Variants in GNA14 observed in about 807,000 individuals in gnomAD.
The protein encoded by GNA14 is G protein subunit alpha 14.
In GNA14, 50 loss-of-function variants were observed where a neutral mutation model predicts 42.0. The ratio of observed to expected loss-of-function variants is 1.19; its 90% CI spans 0.95 to 1.51. GNA14 has a LOEUF of 1.51. Ranked by LOEUF, GNA14 falls within the 40% of genes most tolerant of loss-of-function variation. The pLI is 0.00. For missense variants in GNA14, 473 were observed against 446.2 expected (o/e 1.06, Z -0.54); for synonymous variants, 173 against 163.1 (o/e 1.06, Z -0.46).
intron 1 of GNA14, among the ~76,000 whole-genome samples, chr9:77,613,078 T>G (rs948633327): frequency 6.6e-6 from 1 of 152,326 alleles, no homozygotes; most frequent in South Asian, 2.1e-4. Flanking sequence ...CTGGATGGAC[T>G]TGGAGAACGT....
At chr9:77,442,181 G>A (rs1018260012) in intron 2 of GNA14, among the ~76,000 whole-genome samples, 1 of 152,196 alleles carries the variant, frequency 6.6e-6, no homozygotes, top group Non-Finnish European at 1.5e-5. Flanking sequence ...AGACCCGACT[G>A]ACCAACATTG....
intron 2 of GNA14, chr9:77,526,718 T>A (rs1381524378): frequency 6.6e-6 from 1 of 152,192 alleles, no homozygotes; most frequent in African/African-American, 2.4e-5. Flanking sequence ...GTTTTGGCCC[T>A]TTAGCATGAC....
At chr9:77,521,741 A>G (rs1160278367) in intron 2 of GNA14, among the ~76,000 whole-genome samples, 2 of 152,254 alleles carry the variant, frequency 1.3e-5, no homozygotes, top group Non-Finnish European at 2.9e-5. Flanking sequence ...TTGATGAATT[A>G]TCTCAGTAAA....
At chr9:77,489,261 A>G (rs1020492468) in intron 2 of GNA14, among the ~76,000 whole-genome samples, 2 of 152,174 alleles carry the variant, frequency 1.3e-5, no homozygotes, top group African/African-American at 2.4e-5. Flanking sequence ...AAAGAAATAA[A>G]GGTCACCTAC....
At chr9:77,621,986 C>T (rs1474347575) in intron 1 of GNA14, among the ~76,000 whole-genome samples, 1 of 152,158 alleles carries the variant, frequency 6.6e-6, no homozygotes, top group Admixed American at 6.5e-5. Context: ...AGTGCAATGG[C>T]ATGATCATAG....
chr9:77,480,625 A>G (rs538199884), intron 2 of GNA14, among the ~76,000 whole-genome samples: 92 of 152,302 alleles, frequency 6.0e-4, no homozygotes, highest in Non-Finnish European at 9.4e-4. Flanking sequence ...AAGGAATGGT[A>G]CCAGCTCCTC....
intron 1 of GNA14, among the ~76,000 whole-genome samples, chr9:77,608,402 T>C (rs1297851496): frequency 6.6e-6 from 1 of 152,208 alleles, no homozygotes; most frequent in Admixed American, 6.5e-5. Context: ...GGTATTTAGA[T>C]GAGACTTTGG....
chr9:77,550,477 A>C (rs1837775044), intron 1 of GNA14, among the ~76,000 whole-genome samples: 2 of 152,206 alleles, frequency 1.3e-5, no homozygotes, highest in African/African-American at 2.4e-5. Flanking sequence ...TCTGGAGCAG[A>C]TATAATACCC....
chr9:77,560,679 C>T lies in GNA14; in HGVS notation c.125-31426G>A, dbSNP rs190834808. Among the ~76,000 whole-genome samples the T allele has an allele frequency of 5.5e-3, 833 of 152,188 alleles. 4 individuals are homozygous for T. The highest frequency in any genetic ancestry group is 8.2e-3 in the Non-Finnish European group (555 of 67,996). On this transcript the variant is annotated intron_variant, in intron 1 of 6. Transcript: ENST00000341700. ...TCACCAATTTTATTCAAGGTAATAT[C>T]ACCTTACCCTGGTTCCAACAGCTAC...
At chr9:77,475,819 G>C (rs184547270) in intron 2 of GNA14, among the ~76,000 whole-genome samples, 2 of 152,286 alleles carry the variant, frequency 1.3e-5, no homozygotes, top group African/African-American at 2.4e-5. Context: ...ATCTGGAAAG[G>C]AGACCTACGT....
intron 2 of GNA14, among the ~76,000 whole-genome samples, chr9:77,476,578 G>A (rs778541358): frequency 1.3e-5 from 2 of 152,208 alleles, no homozygotes; most frequent in Non-Finnish European, 1.5e-5. Flanking sequence ...GGGCCATACT[G>A]CCTCTTACAA....
At chr9:77,501,944 T>C (rs1368217325) in intron 2 of GNA14, among the ~76,000 whole-genome samples, 2 of 152,088 alleles carry the variant, frequency 1.3e-5, no homozygotes, top group Non-Finnish European at 2.9e-5. Flanking sequence ...CTTGACTTCG[T>C]GATCCACCTG....
rs926264366 is a variant in GNA14 at position 77,529,111 on chromosome 9, C to T, written c.267G>A (p.Ala89=). The change falls in exon 2 of 7, where the codon GCG becomes GCA. Residue 89 remains alanine (A), a synonymous_variant. Transcript: ENST00000341700. The part of the protein sequence containing the change: ...IFTAMQAMIR[A]MDTLRIQYVC... Reference sequence around the variant, plus strand: ...CATACTGTATCCTTAGCGTGTCCATCGCTCTGATCATGGCTTGCATGGCGG... The same window carrying T: ...CATACTGTATCCTTAGCGTGTCCATTGCTCTGATCATGGCTTGCATGGCGG... The T allele has an allele frequency of 8.7e-6, 14 of 1,614,088 alleles. No individual in the cohort carries two copies. The highest frequency in any genetic ancestry group is 6.7e-5 in the Admixed American group (4 of 60,010).
At chr9:77,478,175 T>G (rs1168953672) in intron 2 of GNA14, among the ~76,000 whole-genome samples, 1 of 128,078 alleles carries the variant, frequency 7.8e-6, no homozygotes, top group African/African-American at 2.9e-5. Flanking sequence ...TATCCCTCCC[T>G]CCTCCCCCCA....
intron 2 of GNA14, among the ~76,000 whole-genome samples, chr9:77,521,428 G>C (rs1837353013): frequency 6.6e-6 from 1 of 152,122 alleles, no homozygotes; most frequent in Non-Finnish European, 1.5e-5. Context: ...TAGAACATAA[G>C]AGGCTCTTAA....
At chr9:77,613,954 T>C (rs753863812) in intron 1 of GNA14, among the ~76,000 whole-genome samples, 2 of 152,220 alleles carry the variant, frequency 1.3e-5, no homozygotes, top group Admixed American at 6.5e-5. Flanking sequence ...GTAGTGTAGT[T>C]AGTCAGAGTG....
At chr9:77,512,741 G>T (rs751114971) in intron 2 of GNA14, among the ~76,000 whole-genome samples, 1 of 151,868 alleles carries the variant, frequency 6.6e-6, no homozygotes, top group Non-Finnish European at 1.5e-5. Context: ...GCTTTACCTC[G>T]TTCTTTTTAA....
At chr9:77,425,203 G>A (rs532068049) in intron 6 of GNA14, among the ~76,000 whole-genome samples, 4 of 152,224 alleles carry the variant, frequency 2.6e-5, no homozygotes, top group East Asian at 1.9e-4. Context: ...AGCAAGCAGG[G>A]GTTAGGCTGC....
At chr9:77,565,559 G>A (rs1822954942) in intron 1 of GNA14, among the ~76,000 whole-genome samples, 1 of 152,166 alleles carries the variant, frequency 6.6e-6, no homozygotes, top group Non-Finnish European at 1.5e-5. Context: ...CTGGGTTCAA[G>A]TGATTCTTGT....
Sources: gnomAD v4.1 joint callset for allele counts (sites outside exome capture counted in the v4.1 genomes callset) on GRCh38, gnomAD v4.1.1 for gene constraint, MANE v1.5 for transcripts, NCBI Gene and HGNC (gene_info 2026-07-23, HGNC 2026-07-21) for gene names.